The following MMP16 variants were observed in gnomAD, a reference collection of about 807,000 sequenced individuals.
The protein encoded by MMP16 is matrix metalloproteinase-16.
In MMP16, 12 loss-of-function variants were observed where a neutral mutation model predicts 67.8. The observed-to-expected ratio is 0.18, with a 90% confidence interval of 0.11 to 0.29. The LOEUF is 0.29. MMP16 is among the 10% of genes least tolerant of loss of function. The pLI is 1.00. For missense variants in MMP16, 475 were observed against 765.7 expected, an observed-to-expected ratio of 0.62 and a Z score of 4.48; for synonymous variants, 249 against 255.9, an observed-to-expected ratio of 0.97 and a Z score of 0.26.
chr8:88,278,570 C>T (rs761765354), intron 1 of MMP16, among the ~76,000 whole-genome samples: 4 of 152,132 alleles, frequency 2.6e-5, no homozygotes, highest in Non-Finnish European at 5.9e-5. Context: ...CTCTGAAAGA[C>T]ATGGAAGTGA....
intron 1 of MMP16, among the ~76,000 whole-genome samples, chr8:88,200,829 AT>A (rs1286795962): frequency 6.6e-6 from 1 of 151,996 alleles, no homozygotes; most frequent in African/African-American, 2.4e-5. Flanking sequence ...ATCCTGAAAA[AT>A]GATTATATAA....
At chr8:88,163,624 G>C (rs951092976) in intron 4 of MMP16, among the ~76,000 whole-genome samples, 1 of 151,960 alleles carries the variant, frequency 6.6e-6, no homozygotes, top group African/African-American at 2.4e-5. Context: ...TACTTCTGTA[G>C]ATGCTTGTCT....
At chr8:88,214,389 TATCA>T (rs769556456) in intron 1 of MMP16, among the ~76,000 whole-genome samples, 2 of 152,170 alleles carry the variant, frequency 1.3e-5, no homozygotes, top group African/African-American at 2.4e-5. Flanking sequence ...TTTCTCAACT[TATCA>T]ATCAGTCTAC....
At chr8:88,216,434 C>T (rs965551231) in intron 1 of MMP16, among the ~76,000 whole-genome samples, 1 of 152,102 alleles carries the variant, frequency 6.6e-6, no homozygotes, top group African/African-American at 2.4e-5. Context: ...CTATCAATGT[C>T]AGGAAGTTCA....
At chr8:88,178,246 T>C (rs1214060092) in intron 3 of MMP16, among the ~76,000 whole-genome samples, 1 of 152,156 alleles carries the variant, frequency 6.6e-6, no homozygotes, top group Non-Finnish European at 1.5e-5. Flanking sequence ...GACTCAGATA[T>C]GGCCAACATT....
intron 1 of MMP16, among the ~76,000 whole-genome samples, chr8:88,234,934 A>G (rs185285306): frequency 1.3e-5 from 2 of 152,344 alleles, no homozygotes; most frequent in East Asian, 3.9e-4. Context: ...ATCAGGTGTT[A>G]TTAACCCCAG....
chr8:88,163,425 C>G (rs569633223), intron 4 of MMP16, among the ~76,000 whole-genome samples: 2 of 152,052 alleles, frequency 1.3e-5, no homozygotes, highest in East Asian at 3.9e-4. Context: ...GATAACCTTC[C>G]TGGTTATCTC....
chr8:88,220,525 T>G (rs1411460187), intron 1 of MMP16, among the ~76,000 whole-genome samples: 1 of 149,636 alleles, frequency 6.7e-6, no homozygotes, highest in Non-Finnish European at 1.5e-5. Context: ...AGATTGTATG[T>G]GTGCATGACT....
intron 4 of MMP16, among the ~76,000 whole-genome samples, chr8:88,132,383 G>T (rs1343927942): frequency 1.3e-5 from 2 of 151,860 alleles, no homozygotes; most frequent in African/African-American, 2.4e-5. Flanking sequence ...ATTTCTAAGG[G>T]TAGAAATATG....
At chr8:88,284,653 C>T (rs539641391) in intron 1 of MMP16, among the ~76,000 whole-genome samples, 98 of 152,078 alleles carry the variant, frequency 6.4e-4, no homozygotes, top group Non-Finnish European at 1.3e-3. Context: ...ATGGAGATGG[C>T]TAGAAGAACG....
At chr8:88,177,099 A>G (rs1156540970) in intron 3 of MMP16, among the ~76,000 whole-genome samples, 1 of 152,184 alleles carries the variant, frequency 6.6e-6, no homozygotes, top group Non-Finnish European at 1.5e-5. Flanking sequence ...AGGTTTATAC[A>G]TCTTTTGTGG....
chr8:88,284,087 T>G (rs1810785586), intron 1 of MMP16, among the ~76,000 whole-genome samples: 1 of 152,304 alleles, frequency 6.6e-6, no homozygotes, highest in African/African-American at 2.4e-5. Flanking sequence ...AAAAATTGCT[T>G]GATGACACTA....
intron 1 of MMP16, among the ~76,000 whole-genome samples, chr8:88,215,516 G>C (rs1809578131): frequency 6.6e-6 from 1 of 152,010 alleles, no homozygotes; most frequent in Admixed American, 6.6e-5. Flanking sequence ...TCTATCCACA[G>C]AGAAAAGAAG....
intron 6 of MMP16, among the ~76,000 whole-genome samples, chr8:88,114,756 T>C (rs2118423374): frequency 6.6e-6 from 1 of 152,138 alleles, no homozygotes; most frequent in South Asian, 2.1e-4. Context: ...TTAGAAACTC[T>C]GTCCTGTCAG....
chr8:88,301,411 A>G (rs1183734150), intron 1 of MMP16, among the ~76,000 whole-genome samples: 1 of 152,162 alleles, frequency 6.6e-6, no homozygotes, highest in Non-Finnish European at 1.5e-5. Flanking sequence ...GCAGGAAAAT[A>G]GCTATTTTCT....
chr8:88,253,729 A>T (rs1177496519), intron 1 of MMP16, among the ~76,000 whole-genome samples: 1 of 152,054 alleles, frequency 6.6e-6, no homozygotes, highest in Non-Finnish European at 1.5e-5. Context: ...CTGATATAGC[A>T]ATCAGTTCTT....
chr8:88,079,448 G>A (rs1206924343), intron 6 of MMP16, among the ~76,000 whole-genome samples: 1 of 152,066 alleles, frequency 6.6e-6, no homozygotes, highest in Non-Finnish European at 1.5e-5. Flanking sequence ...ATAGTGTATG[G>A]TCTGGTACTA....
chr8:88,144,602 G>C (rs1430905953), intron 4 of MMP16, among the ~76,000 whole-genome samples: 1 of 151,404 alleles, frequency 6.6e-6, no homozygotes, highest in Admixed American at 6.6e-5. Context: ...ATATAATATG[G>C]GAAAATAATA....
At chr8:88,275,695 A>G (rs1328511529) in intron 1 of MMP16, among the ~76,000 whole-genome samples, 1 of 151,938 alleles carries the variant, frequency 6.6e-6, no homozygotes, top group African/African-American at 2.4e-5. Context: ...AGCCCTTGCC[A>G]TATATTACTT....
Sources: allele counts gnomAD v4.1 joint callset (sites outside exome capture counted in the v4.1 genomes callset), GRCh38; gene constraint gnomAD v4.1.1; transcripts MANE v1.5; gene names NCBI Gene and HGNC (gene_info 2026-07-23, HGNC 2026-07-21).